SGCZ: variants seen among roughly 807,000 people sequenced by gnomAD.
SGCZ encodes the protein sarcoglycan zeta.
SGCZ carries 40 observed loss-of-function variants against 41.3 expected under a neutral mutation model. The observed-to-expected ratio is 0.97, with a 90% CI of 0.75 to 1.26. The LOEUF (loss-of-function observed/expected upper bound fraction) is 1.26. Among genes scored for constraint, SGCZ ranks in the 50% most tolerant of loss-of-function variants. SGCZ has a pLI of 0.00. For missense variants in SGCZ, 552 were observed against 369.8 expected (o/e 1.49, Z -4.04); for synonymous variants, 206 against 137.5 (o/e 1.50, Z -3.49).
intron 1 of SGCZ, among the ~76,000 whole-genome samples, chr8:14,821,648 G>A (rs562814294): frequency 4.6e-5 from 7 of 151,976 alleles, no homozygotes; most frequent in Admixed American, 1.3e-4. Flanking sequence ...TATGATGCAA[G>A]AATGTCTTAA....
At chr8:14,332,038 G>C (rs188550732) in intron 2 of SGCZ, among the ~76,000 whole-genome samples, 3 of 151,800 alleles carry the variant, frequency 2.0e-5, no homozygotes, top group East Asian at 1.9e-4. Context: ...CTTATTCTAA[G>C]TATTACCCAA....
chr8:14,335,502 CATCTT>C, intron 2 of SGCZ, among the ~76,000 whole-genome samples: 1 of 152,232 alleles, frequency 6.6e-6, no homozygotes, highest in Admixed American at 6.5e-5. Flanking sequence ...TTCTTTTTAA[CATCTT>C]ATCCGTTATA....
In SGCZ at chr8:14,212,677, C is replaced by G. The variant is rs1046631578; in HGVS notation, c.424+24915G>C. 4.6e-5 allele frequency among the ~76,000 whole-genome samples: 7 copies of G among 152,082 alleles called. No individual in the cohort carries two copies. The South Asian group carries it at 6.2e-4, about 14-fold the overall frequency. On this transcript the variant is annotated intron_variant, in intron 4 of 7. Transcript: ENST00000382080. ...AATTTAAAATTTGAAAATTACTCAT[C>G]ATAGCAAGAAGAAGGGAAATCACAA...
At chr8:14,414,167 C>T (rs1181528688) in intron 2 of SGCZ, among the ~76,000 whole-genome samples, 1 of 151,914 alleles carries the variant, frequency 6.6e-6, no homozygotes, top group Non-Finnish European at 1.5e-5. Context: ...AATAGCCTAA[C>T]ACAGAAATGA....
chr8:14,732,624 A>C (rs897172060), intron 1 of SGCZ, among the ~76,000 whole-genome samples: 1 of 152,178 alleles, frequency 6.6e-6, no homozygotes, highest in Non-Finnish European at 1.5e-5. Context: ...GAATTAGAAG[A>C]CTGAGCTGCT....
intron 2 of SGCZ, among the ~76,000 whole-genome samples, chr8:14,468,307 T>C (rs1275359745): frequency 3.3e-5 from 5 of 152,056 alleles, no homozygotes; most frequent in Non-Finnish European, 7.4e-5. Flanking sequence ...ACAAAAACCA[T>C]ATGAAAATGA....
At chr8:15,199,860 G>C (rs183233465) in intron 1 of SGCZ, among the ~76,000 whole-genome samples, 2 of 152,116 alleles carry the variant, frequency 1.3e-5, no homozygotes, top group African/African-American at 2.4e-5. Context: ...GGGCAGAATA[G>C]GACAAGCATT....
intron 2 of SGCZ, among the ~76,000 whole-genome samples, chr8:14,348,666 G>A (rs191237469): frequency 2.8e-4 from 42 of 152,188 alleles, no homozygotes; most frequent in Admixed American, 2.0e-4. Flanking sequence ...CCCAAGGAAC[G>A]CACATTATAG....
At chr8:14,557,384 T>C (rs981610067) in intron 1 of SGCZ, among the ~76,000 whole-genome samples, 9 of 152,176 alleles carry the variant, frequency 5.9e-5, no homozygotes, top group Non-Finnish European at 1.3e-4. Flanking sequence ...GGGTTGTCTG[T>C]TTACCTTTCT....
chr8:14,470,470 T>C (rs1801183645), intron 2 of SGCZ, among the ~76,000 whole-genome samples: 1 of 152,096 alleles, frequency 6.6e-6, no homozygotes, highest in African/African-American at 2.4e-5. Flanking sequence ...TGTTGCAAAA[T>C]TTGTCAAAAG....
At chr8:14,528,684 T>C (rs1803026840) in intron 2 of SGCZ, among the ~76,000 whole-genome samples, 1 of 151,996 alleles carries the variant, frequency 6.6e-6, no homozygotes, top group Non-Finnish European at 1.5e-5. Flanking sequence ...AAACTGATAC[T>C]TGCAGCGGGA....
At chr8:14,976,128 T>C (rs976388783) in intron 1 of SGCZ, among the ~76,000 whole-genome samples, 1 of 151,560 alleles carries the variant, frequency 6.6e-6, no homozygotes, top group Non-Finnish European at 1.5e-5. Flanking sequence ...TTTCAAGCGA[T>C]TCTCTCGCCC....
At chr8:14,748,681 G>A (rs531523767) in intron 1 of SGCZ, among the ~76,000 whole-genome samples, 1 of 152,202 alleles carries the variant, frequency 6.6e-6, no homozygotes, top group East Asian at 1.9e-4. Context: ...GAATCATGAA[G>A]GAATCATCTA....
chr8:14,952,932 T>C (rs1200394767), intron 1 of SGCZ, among the ~76,000 whole-genome samples: 2 of 152,054 alleles, frequency 1.3e-5, no homozygotes, highest in Non-Finnish European at 1.5e-5. Context: ...ACAAATGAAA[T>C]CAACACTGCA....
intron 4 of SGCZ, among the ~76,000 whole-genome samples, chr8:14,193,348 A>G (rs2117051808): frequency 6.6e-6 from 1 of 151,716 alleles, no homozygotes; most frequent in South Asian, 2.1e-4. Context: ...TTTTTTTACA[A>G]TGTTTGACCA....
At chr8:15,128,510 A>C (rs904711908) in intron 1 of SGCZ, among the ~76,000 whole-genome samples, 2 of 152,118 alleles carry the variant, frequency 1.3e-5, no homozygotes, top group African/African-American at 4.8e-5. Context: ...CTAAGCTCTG[A>C]TTGTCCCTCC....
intron 1 of SGCZ, among the ~76,000 whole-genome samples, chr8:15,078,415 G>A (rs554365381): frequency 6.6e-6 from 1 of 151,776 alleles, no homozygotes; most frequent in South Asian, 2.1e-4. Flanking sequence ...TCTATCTCAG[G>A]TCAGGACTCC....
intron 1 of SGCZ, among the ~76,000 whole-genome samples, chr8:14,855,926 A>G (rs1023476923): frequency 3.3e-5 from 5 of 152,218 alleles, no homozygotes; most frequent in African/African-American, 1.2e-4. Flanking sequence ...CTTTTCATTA[A>G]AGGCCGATCC....
intron 1 of SGCZ, among the ~76,000 whole-genome samples, chr8:15,111,130 G>A (rs1465400771): frequency 6.6e-6 from 1 of 152,100 alleles, no homozygotes; most frequent in Non-Finnish European, 1.5e-5. Context: ...GGGAAGCGGG[G>A]GCAGGGAACC....
Sources: allele counts gnomAD v4.1 joint callset (sites outside exome capture counted in the v4.1 genomes callset), GRCh38; gene constraint gnomAD v4.1.1; transcripts MANE v1.5; gene names NCBI Gene and HGNC (gene_info 2026-07-23, HGNC 2026-07-21).